Variants in OARD1 observed in about 807,000 individuals in gnomAD.
OARD1 encodes O-acyl-ADP-ribose deacylase 1.
A neutral mutation model predicts 19.7 loss-of-function variants in OARD1; 19 were observed. The observed-to-expected ratio is 0.96, with a 90% CI of 0.67 to 1.41. The LOEUF (loss-of-function observed/expected upper bound fraction) is 1.41, where lower values mean the gene tolerates loss of function less well. Among genes scored for constraint, OARD1 ranks in the 40% most tolerant of loss-of-function variants. The pLI, the probability that OARD1 is intolerant of heterozygous loss-of-function variation, is 0.00. For missense variants in OARD1, 190 were observed against 183.8 expected, an observed-to-expected ratio of 1.03 and a Z score of -0.20; for synonymous variants, 70 against 61.8, an observed-to-expected ratio of 1.13 and a Z score of -0.62.
upstream of OARD1, among the ~76,000 whole-genome samples, chr6:41,076,081 A>T (rs1763726018): frequency 1.3e-5 from 2 of 152,202 alleles, no homozygotes; most frequent in South Asian, 4.1e-4. Flanking sequence ...AAATTGAGTG[A>T]GCCAATGCTG....
chr6:41,071,610 G>C lies in OARD1; in HGVS notation c.25C>G (p.Pro9Ala). Residue 9 changes from proline to alanine, a missense_variant, in exon 2 of 6, where the codon CCA becomes GCA. Coordinates refer to ENST00000424266, the MANE Select transcript of OARD1 (RefSeq NM_001329686.2). MASSLNED[P>A]EGSRITYVKG... ...TTGTTACGCACTCTGCTTCCTTCTG[G>C]ATCTTCATTAAGGCTGCTGGCCATG... 6.2e-7 allele frequency: 1 copy of C among 1,613,396 alleles called. No individual in the cohort carries two copies. Among genetic ancestry groups the C allele is most frequent in the South Asian group, 1.1e-5 (1 of 91,064 alleles).
intron 4 of OARD1, 100 bp from the exon 5 acceptor site, chr6:41,069,053 T>C (rs1488665302): frequency 5.1e-5 from 32 of 621,468 alleles, no homozygotes; most frequent in East Asian, 2.9e-5. Context: ...AGTAAGCACA[T>C]TTTTATAGAA....
At chr6:41,078,735 T>G (rs1280721284) in intron 1 of OARD1, among the ~76,000 whole-genome samples, 2 of 152,240 alleles carry the variant, frequency 1.3e-5, no homozygotes, top group Non-Finnish European at 2.9e-5. Context: ...GTATGCCTTG[T>G]ATCAAAGTGA....
chr6:41,069,073 A>C, intron 4 of OARD1, 120 bp from the exon 5 acceptor site: 1 of 573,804 alleles, frequency 1.7e-6, no homozygotes. Flanking sequence ...ATTAGTCTAG[A>C]GCAAGGATGA....
At chr6:41,095,489 T>C (rs1362951346) in intron 1 of OARD1, among the ~76,000 whole-genome samples, 1 of 152,178 alleles carries the variant, frequency 6.6e-6, no homozygotes, top group Non-Finnish European at 1.5e-5. Context: ...TTGGAGGCAG[T>C]GGTGTGATTA....
chr6:41,091,398 C>T, intron 1 of OARD1: 2 of 813,562 alleles, frequency 2.5e-6, no homozygotes, highest in Admixed American at 2.9e-5. Context: ...CTTTTTCTCC[C>T]CTTGTGTTTT....
In OARD1 at chr6:41,066,431, G is replaced by A. The variant is rs1763011984; in HGVS notation, c.*904C>T. On this transcript the variant is annotated 3_prime_UTR_variant, in exon 6 of 6. Transcript: ENST00000424266. ...TGACAGGTATGAGAATTTTTTGAGAGGAAGTGGCCTTTATTTTTTTAAAGA... is the reference window on the plus strand; with the variant it reads ...TGACAGGTATGAGAATTTTTTGAGAAGAAGTGGCCTTTATTTTTTTAAAGA... The A allele has an allele frequency of 6.6e-6, 1 of 152,170 alleles. No homozygotes were observed. Among genetic ancestry groups the A allele is most frequent in the Non-Finnish European group, 1.5e-5 (1 of 68,036 alleles). The allele number at this position is 152,170 out of a possible 1,614,324, so 9.4% of individuals were successfully genotyped here.
chr6:41,070,398 ATCC>A (rs758961977), intron 3 of OARD1, among the ~76,000 whole-genome samples: 4 of 152,234 alleles, frequency 2.6e-5, no homozygotes, highest in Non-Finnish European at 4.4e-5. Flanking sequence ...TTTTAAATAT[ATCC>A]TCATTTGTCC....
At chr6:41,077,250 A>G (rs1295269244), upstream of OARD1, among the ~76,000 whole-genome samples, 1 of 152,174 alleles carries the variant, frequency 6.6e-6, no homozygotes, top group Admixed American at 6.5e-5. Flanking sequence ...CTTTAGAAAC[A>G]AAGTATAATA....
intron 1 of OARD1, among the ~76,000 whole-genome samples, chr6:41,072,016 A>G (rs1018061167): frequency 4.6e-5 from 7 of 152,304 alleles, no homozygotes; most frequent in East Asian, 3.9e-4. Flanking sequence ...GCACGACGCA[A>G]AAGTATTTCC....
At chr6:41,092,147 C>G (rs566377088) in intron 1 of OARD1, among the ~76,000 whole-genome samples, 2 of 152,228 alleles carry the variant, frequency 1.3e-5, no homozygotes, top group African/African-American at 4.8e-5. Context: ...AAAGCTAAAT[C>G]CTCATATGTC....
intron 1 of OARD1, chr6:41,089,821 T>TA (rs1485607414): frequency 6.9e-6 from 10 of 1,443,430 alleles, no homozygotes; most frequent in South Asian, 1.4e-5. Context: ...ATGAAAACCA[T>TA]AAAAAAATAT....
rs776350228 is a variant in OARD1 at position 41,071,033 on chromosome 6, C to G, written c.184+99G>C. On this transcript the variant is annotated intron_variant, in intron 3 of 5. Transcript: ENST00000424266. ...AGGAAAATCTTAAAAACATTTGGTT[C>G]TTAGGAATCCCCTCTTTACACGCAT... 5.6e-5 allele frequency: 71 copies of G among 1,265,510 alleles called. No homozygotes were observed. In the South Asian group the frequency reaches 8.0e-4, roughly 14 times the overall value. The allele number at this position is 1,265,510 out of a possible 1,614,324, so 78.4% of individuals were successfully genotyped here.
intron 1 of OARD1, among the ~76,000 whole-genome samples, chr6:41,088,736 T>A (rs2113809715): frequency 6.6e-6 from 1 of 151,680 alleles, no homozygotes; most frequent in South Asian, 2.1e-4. Flanking sequence ...AGGCATGTCC[T>A]ACCATGCCTG....
intron 1 of OARD1, chr6:41,084,197 G>A (rs1763981383): frequency 6.2e-7 from 1 of 1,613,284 alleles, no homozygotes; most frequent in South Asian, 1.1e-5. Context: ...CAGCAAGTGA[G>A]TAATATTTAA....
Position 41,071,155 on chromosome 6 carries a change from C to T in OARD1, c.161G>A (p.Gly54Glu). The change falls in exon 3 of 6, where the codon GGG becomes GAG. Residue 54 changes from glycine to glutamate, a missense_variant. Physicochemically the swap from Gly to Glu is moderately conservative, Grantham distance 98. Transcript: ENST00000424266. ...ACGTTGATTTAAAAGTTCTTGCACCCCTCCAAATTTCTTCTTAAAGAGGAC... is the reference window on the plus strand; with the variant it reads ...ACGTTGATTTAAAAGTTCTTGCACCTCTCCAAATTTCTTCTTAAAGAGGAC... ...IAVLFKKKFG[G>E]VQELLNQQKK... is the part of the protein sequence containing the mutation. The T allele has an allele frequency of 6.2e-7, 1 of 1,614,208 alleles. No homozygotes were observed. Among genetic ancestry groups the T allele is most frequent in the Non-Finnish European group, 8.5e-7 (1 of 1,180,032 alleles).
At chr6:41,084,114 C>T in intron 1 of OARD1, 2 of 1,614,162 alleles carry the variant, frequency 1.2e-6, no homozygotes, top group Admixed American at 1.7e-5. Context: ...GCCAACCCAT[C>T]ATGGTCCAGG....
chr6:41,071,357 C>A, intron 2 of OARD1, 81 bp from the exon 3 acceptor site: 1 of 1,355,910 alleles, frequency 7.4e-7, no homozygotes, highest in South Asian at 1.2e-5. Context: ...TTTGTGTCCC[C>A]CACGACTACC....
intron 3 of OARD1, 85 bp from the exon 4 acceptor site, chr6:41,070,219 G>C (rs1477124020): frequency 1.7e-5 from 13 of 785,606 alleles, no homozygotes; most frequent in Non-Finnish European, 2.6e-5. Flanking sequence ...ACAGATCTGA[G>C]TTTACCTCAG....
Sources: gnomAD v4.1 joint callset for allele counts (sites outside exome capture counted in the v4.1 genomes callset) on GRCh38, gnomAD v4.1.1 for gene constraint, MANE v1.5 for transcripts, NCBI Gene and HGNC (gene_info 2026-07-23, HGNC 2026-07-21) for gene names.